Variants in STK32C observed in about 807,000 individuals in gnomAD.
STK32C encodes the protein serine/threonine-protein kinase 32C.
STK32C carries 31 observed loss-of-function variants against 56.5 expected under a neutral mutation model. That is an observed-to-expected ratio of 0.55 (90% confidence interval 0.41 to 0.74). STK32C has a LOEUF of 0.74. Among genes scored for constraint, STK32C ranks in the 30% least tolerant of loss-of-function variants. The probability of loss-of-function intolerance (pLI) is 0.00; values close to 1 mark genes in which losing one functional copy is unlikely to be tolerated. For synonymous variants in STK32C, 309 were observed against 289.4 expected, an observed-to-expected ratio of 1.07 and a Z score of -0.69; for missense variants, 544 against 676.9, an observed-to-expected ratio of 0.80 and a Z score of 2.18.
chr10:132,324,295 G>T, exon 2 of STK32C: 1 of 779,784 alleles, frequency 1.3e-6, no homozygotes, highest in South Asian at 1.3e-5. Flanking sequence ...GCAGCCTGAA[G>T]GCTGCAGCTT....
intron 1 of STK32C, among the ~76,000 whole-genome samples, chr10:132,288,280 C>A (rs1053695727): frequency 2.6e-5 from 4 of 152,196 alleles, no homozygotes; most frequent in African/African-American, 9.7e-5. Context: ...TCCTTGTGAT[C>A]AAGCGCTGGT....
At chr10:132,223,735 G>T (rs575139014) in intron 8 of STK32C, among the ~76,000 whole-genome samples, 1 of 152,174 alleles carries the variant, frequency 6.6e-6, no homozygotes, top group South Asian at 2.1e-4. Context: ...CACGGGGGCC[G>T]GGAGGCAGCC....
chr10:132,230,466 C>T (rs1315959519), intron 2 of STK32C, among the ~76,000 whole-genome samples: 3 of 152,250 alleles, frequency 2.0e-5, no homozygotes, highest in Non-Finnish European at 2.9e-5. Flanking sequence ...CCCCAGCACC[C>T]GCGGCCTCCT....
chr10:132,309,616 C>T (rs1341458686), upstream of STK32C, among the ~76,000 whole-genome samples: 1 of 152,208 alleles, frequency 6.6e-6, no homozygotes, highest in Non-Finnish European at 1.5e-5. Context: ...TGCCATTCTC[C>T]AGCAGGCACG....
chr10:132,286,090 C>G (rs943164901), intron 1 of STK32C, among the ~76,000 whole-genome samples: 1 of 151,346 alleles, frequency 6.6e-6, no homozygotes, highest in Non-Finnish European at 1.5e-5. Context: ...TGAGCCACTG[C>G]ACTCCAGCCT....
At chr10:132,242,725 T>C (rs578216268) in intron 2 of STK32C, among the ~76,000 whole-genome samples, 2 of 152,312 alleles carry the variant, frequency 1.3e-5, no homozygotes, top group South Asian at 4.1e-4. Context: ...GTGTTTTCTT[T>C]TTCCCCCACG....
chr10:132,222,511 C>T (rs1246559881), intron 10 of STK32C, 130 bp downstream of exon 10: 1 of 1,238,946 alleles, frequency 8.1e-7, no homozygotes, highest in African/African-American at 1.5e-5. Context: ...CTTCTCAGGA[C>T]TTCAGGAAAC....
intron 1 of STK32C, among the ~76,000 whole-genome samples, chr10:132,301,224 C>T (rs117378312): frequency 2.0e-5 from 3 of 150,692 alleles, no homozygotes; most frequent in East Asian, 1.9e-4. Flanking sequence ...CCCCCACTAA[C>T]GTGAACCCAG....
At chr10:132,256,360 A>G (rs2064122787) in intron 1 of STK32C, among the ~76,000 whole-genome samples, 1 of 152,122 alleles carries the variant, frequency 6.6e-6, no homozygotes, top group Admixed American at 6.5e-5. Flanking sequence ...CCCATAAAAC[A>G]GGCTCAGTGG....
At chr10:132,251,095 C>T (rs2063888168) in intron 1 of STK32C, among the ~76,000 whole-genome samples, 1 of 152,154 alleles carries the variant, frequency 6.6e-6, no homozygotes, top group African/African-American at 2.4e-5. Flanking sequence ...GCCCCAGGCC[C>T]CACACATCTG....
chr10:132,229,000 G>A (rs145618621), intron 2 of STK32C, among the ~76,000 whole-genome samples: 3 of 152,332 alleles, frequency 2.0e-5, no homozygotes, highest in Non-Finnish European at 2.9e-5. Context: ...GCAAACACAC[G>A]GCTAATTGCT....
At chr10:132,320,881 G>C (rs2066393966), downstream of STK32C, among the ~76,000 whole-genome samples, 2 of 152,344 alleles carry the variant, frequency 1.3e-5, no homozygotes. Flanking sequence ...TGGCGCATCT[G>C]GGTGTCCTCA....
intron 1 of STK32C, among the ~76,000 whole-genome samples, chr10:132,248,752 G>T (rs1441084393): frequency 6.6e-6 from 1 of 152,182 alleles, no homozygotes; most frequent in East Asian, 1.9e-4. Flanking sequence ...ACTGCCCTGG[G>T]AAACGAAGCC....
At chr10:132,208,892 G>C (rs1420936575) in intron 11 of STK32C, 142 bp downstream of exon 11, 3 of 747,502 alleles carry the variant, frequency 4.0e-6, no homozygotes, top group Non-Finnish European at 6.6e-6. Context: ...CCCCTCCATA[G>C]CTGCTGCTCA....
chr10:132,263,141 G>C (rs755059225), intron 1 of STK32C, among the ~76,000 whole-genome samples: 2 of 152,184 alleles, frequency 1.3e-5, no homozygotes, highest in African/African-American at 2.4e-5. Context: ...ACGCGCATTC[G>C]TGTGTTCATT....
intron 11 of STK32C, 124 bp downstream of exon 11, chr10:132,208,910 C>T (rs865967475): frequency 9.2e-6 from 8 of 871,604 alleles, no homozygotes; most frequent in African/African-American, 8.3e-5. Flanking sequence ...TCAGAGTCCC[C>T]AAAGAGAGCA....
chr10:132,246,881 C>T (rs563408557), intron 1 of STK32C, among the ~76,000 whole-genome samples: 1 of 152,250 alleles, frequency 6.6e-6, no homozygotes, highest in East Asian at 1.9e-4. Context: ...CAATTCTGCA[C>T]CCCTAAGTCC....
At chr10:132,231,209 C>G (rs891153888) in intron 2 of STK32C, among the ~76,000 whole-genome samples, 2 of 152,210 alleles carry the variant, frequency 1.3e-5, no homozygotes, top group African/African-American at 2.4e-5. Context: ...GGCCTGGCCT[C>G]GCACACCCAC....
intron 1 of STK32C, among the ~76,000 whole-genome samples, chr10:132,313,341 C>T (rs1469972951): frequency 6.6e-6 from 1 of 152,246 alleles, no homozygotes; most frequent in East Asian, 1.9e-4. Context: ...GGCTGTTTAC[C>T]ATCCACACAG....
Sources: allele counts gnomAD v4.1 joint callset (sites outside exome capture counted in the v4.1 genomes callset), GRCh38; gene constraint gnomAD v4.1.1; transcripts MANE v1.5; gene names NCBI Gene and HGNC (gene_info 2026-07-23, HGNC 2026-07-21).